The following SLC18A1 variants were observed in gnomAD, a reference collection of about 807,000 sequenced individuals.
SLC18A1 encodes solute carrier family 18 member A1, also known as chromaffin granule amine transporter.
In SLC18A1, 69 loss-of-function variants were observed where a neutral mutation model predicts 53.7. That is an observed-to-expected ratio of 1.28 (90% CI 1.06 to 1.57). The LOEUF is 1.57. SLC18A1 is among the 40% of genes most tolerant of loss of function. SLC18A1 has a pLI of 0.00. For missense variants in SLC18A1, 932 were observed against 668.1 expected (o/e 1.40, Z -4.35); for synonymous variants, 320 against 248.1 (o/e 1.29, Z -2.72).
At chr8:20,160,156 T>C (rs2071786919) in intron 10 of SLC18A1, among the ~76,000 whole-genome samples, 1 of 150,882 alleles carries the variant, frequency 6.6e-6, no homozygotes, top group Non-Finnish European at 1.5e-5. Context: ...TTAGTGTATT[T>C]GTGTAGGCTA....
At position 20,145,757 on chromosome 8, in the gene SLC18A1, C is replaced by A. The variant is rs746297635; in HGVS notation, c.*6G>T. On this transcript the variant is annotated 3_prime_UTR_variant, in exon 16 of 16. Coordinates refer to ENST00000276373, the MANE Select transcript of SLC18A1 (RefSeq NM_003053.4). ...GCATCATGAATTCAAGGAGCACCTTCTGCTGCTACTCCTCATGGTCAGGCT... is the reference window on the plus strand; with the variant it reads ...GCATCATGAATTCAAGGAGCACCTTATGCTGCTACTCCTCATGGTCAGGCT... 6.3e-7 allele frequency: 1 copy of A among 1,577,038 alleles called. No homozygotes were observed. The highest frequency in any genetic ancestry group is 1.7e-5 in the Admixed American group (1 of 58,090).
At chr8:20,162,234 G>C (rs910113500) in intron 10 of SLC18A1, among the ~76,000 whole-genome samples, 1 of 152,094 alleles carries the variant, frequency 6.6e-6, no homozygotes, top group African/African-American at 2.4e-5. Context: ...CTACATCTCT[G>C]GGCCAGTAAT....
Position 20,174,345 on chromosome 8 carries a change from G to T in SLC18A1, c.631+16C>A. ...ATGCCTGCATGTGTGTGTGCATGAT[G>T]AGTTGCCAGTGTTACCTGCAACAGA... On this transcript the variant is annotated intron_variant, in intron 5 of 15. Transcript: ENST00000276373. 1 of 1,578,246 alleles carries T rather than the reference G, an allele frequency of 6.3e-7. No homozygotes were observed. Among genetic ancestry groups the T allele is most frequent in the South Asian group, 1.1e-5 (1 of 90,344 alleles).
intron 5 of SLC18A1, 33 bp from the exon 6 acceptor site, chr8:20,173,161 C>G (rs1400132309): frequency 6.6e-7 from 1 of 1,521,186 alleles, no homozygotes; most frequent in Non-Finnish European, 8.9e-7. Flanking sequence ...AGCTGGCCCC[C>G]TGGGGGGCTT....
chr8:20,151,508 G>T (rs1240183928), intron 10 of SLC18A1, among the ~76,000 whole-genome samples: 2 of 152,246 alleles, frequency 1.3e-5, no homozygotes, highest in South Asian at 4.1e-4. Flanking sequence ...AGGGATCTTG[G>T]ATTAATTACT....
chr8:20,175,870 C>T (rs2128879152), intron 4 of SLC18A1: 1 of 152,330 alleles, frequency 6.6e-6, no homozygotes, highest in Non-Finnish European at 1.5e-5. Flanking sequence ...TCTCTTCTTT[C>T]CTGGCCACCA....
intron 4 of SLC18A1, among the ~76,000 whole-genome samples, chr8:20,176,113 G>C (rs928031505): frequency 6.6e-6 from 1 of 152,154 alleles, no homozygotes; most frequent in African/African-American, 2.4e-5. Flanking sequence ...TTGATCCCCG[G>C]TGTTGGAGAT....
intron 10 of SLC18A1, among the ~76,000 whole-genome samples, chr8:20,151,996 A>G (rs1029362949): frequency 6.6e-6 from 1 of 152,242 alleles, no homozygotes; most frequent in Admixed American, 6.5e-5. Context: ...AGTTATGTGC[A>G]TGAAATTTAA....
intron 10 of SLC18A1, chr8:20,151,010 C>T (rs192967510): frequency 4.0e-4 from 166 of 414,690 alleles, no homozygotes; most frequent in African/African-American, 3.1e-3. Flanking sequence ...CTCACTCTGT[C>T]ACCCAGGCTG....
chr8:20,170,613 G>C (rs111372215), intron 8 of SLC18A1, among the ~76,000 whole-genome samples: 1 of 152,084 alleles, frequency 6.6e-6, no homozygotes. Context: ...CAGAATGACA[G>C]TTAGGGATAT....
chr8:20,167,554 T>G (rs191589225), intron 8 of SLC18A1, among the ~76,000 whole-genome samples: 2 of 152,052 alleles, frequency 1.3e-5, no homozygotes, highest in Non-Finnish European at 2.9e-5. Flanking sequence ...GTCATCAAGA[T>G]GGCAGGGAAA....
Position 20,147,320 on chromosome 8 carries a change from T to G in SLC18A1, c.1402A>C (p.Asn468His), listed in dbSNP as rs766588286. The G allele has an allele frequency of 1.9e-5, 31 of 1,613,540 alleles. 1 individual carries two copies. In the South Asian group the frequency reaches 3.4e-4, roughly 18 times the overall value. ...PWLMVITGVI[N>H]IVYAPLCYYL... ...TAGCAGAGTGGAGCATAGACGATGTTGATGACCCCAGTGATGACCATGAGC... is the reference window on the plus strand; with the variant it reads ...TAGCAGAGTGGAGCATAGACGATGTGGATGACCCCAGTGATGACCATGAGC... Residue 468 changes from asparagine (N) to histidine (H), a missense_variant, in exon 15 of 16, where the codon AAC becomes CAC. Physicochemically the swap from Asn to His is moderately conservative, Grantham distance 68. Transcript: ENST00000276373.
At chr8:20,169,104 C>A (rs534843475) in intron 8 of SLC18A1, among the ~76,000 whole-genome samples, 1 of 152,252 alleles carries the variant, frequency 6.6e-6, no homozygotes, top group Non-Finnish European at 1.5e-5. Context: ...ATGGACATCA[C>A]CACTGAGAGG....
chr8:20,155,222 G>C (rs1172051690), intron 10 of SLC18A1, among the ~76,000 whole-genome samples: 1 of 152,172 alleles, frequency 6.6e-6, no homozygotes. Flanking sequence ...AGTAACATCT[G>C]GTGGCCTGTA....
At chr8:20,150,010 C>A (rs2071510017) in intron 11 of SLC18A1, among the ~76,000 whole-genome samples, 1 of 152,182 alleles carries the variant, frequency 6.6e-6, no homozygotes, top group South Asian at 2.1e-4. Flanking sequence ...TCAGGAGGCA[C>A]TTGTTCCTTA....
At chr8:20,162,960 G>T (rs1308520205) in intron 10 of SLC18A1, among the ~76,000 whole-genome samples, 3 of 152,188 alleles carry the variant, frequency 2.0e-5, no homozygotes, top group African/African-American at 7.2e-5. Flanking sequence ...TATAGCAGCA[G>T]CCCGGTTTCT....
intron 8 of SLC18A1, among the ~76,000 whole-genome samples, chr8:20,167,606 GT>G (rs1406918356): frequency 1.3e-5 from 2 of 151,782 alleles, no homozygotes; most frequent in African/African-American, 2.4e-5. Context: ...AGTCCCCATA[GT>G]TTTTTGTTTT....
At chr8:20,154,965 T>A (rs2071646804) in intron 10 of SLC18A1, among the ~76,000 whole-genome samples, 1 of 152,162 alleles carries the variant, frequency 6.6e-6, no homozygotes, top group Non-Finnish European at 1.5e-5. Flanking sequence ...GCTAAAAGCT[T>A]GCCATTGTTC....
At chr8:20,148,409 C>G in intron 12 of SLC18A1, 1 of 1,265,254 alleles carries the variant, frequency 7.9e-7, no homozygotes, top group Non-Finnish European at 1.0e-6. Flanking sequence ...CTCTACCCCT[C>G]TTCACCTAAA....
Sources: allele counts gnomAD v4.1 joint callset (sites outside exome capture counted in the v4.1 genomes callset), GRCh38; gene constraint gnomAD v4.1.1; transcripts MANE v1.5; gene names NCBI Gene and HGNC (gene_info 2026-07-23, HGNC 2026-07-21).